Variants in KAZN observed in about 807,000 individuals in gnomAD.
The protein encoded by KAZN is kazrin, periplakin interacting protein, also known as kazrin.
In KAZN, 40 loss-of-function variants were observed where a neutral mutation model predicts 87.4. That is an observed-to-expected ratio of 0.46 (90% CI 0.36 to 0.60). The LOEUF (loss-of-function observed/expected upper bound fraction) is 0.60, where lower values mean the gene tolerates loss of function less well. Ranked by LOEUF, KAZN falls within the 20% of genes least tolerant of loss-of-function variation. KAZN has a pLI of 0.00. For synonymous variants in KAZN, 466 were observed against 458.3 expected (o/e 1.02, Z -0.22); for missense variants, 898 against 1,073.9 (o/e 0.84, Z 2.29).
At chr1:14,788,693 T>C (rs1468950407) in intron 1 of KAZN, among the ~76,000 whole-genome samples, 5 of 152,148 alleles carry the variant, frequency 3.3e-5, no homozygotes, top group African/African-American at 1.2e-4. Flanking sequence ...ACTCTGCTGC[T>C]ACCGACACTC....
chr1:14,661,662 C>CG (rs35859688), intron 1 of KAZN, among the ~76,000 whole-genome samples: 697 of 49,806 alleles, frequency 0.014, 12 homozygotes, highest in African/African-American at 0.043. Context: ...GATTGGGGGA[C>CG]GGGGGGGCGG....
intron 2 of KAZN, among the ~76,000 whole-genome samples, chr1:14,256,405 G>A (rs1205402243): frequency 6.6e-6 from 1 of 151,968 alleles, no homozygotes; most frequent in Non-Finnish European, 1.5e-5. Context: ...AAGGAGAGAA[G>A]GAGAGAGGGA....
chr1:14,965,961 C>A (rs1389680459), intron 2 of KAZN, among the ~76,000 whole-genome samples: 1 of 146,156 alleles, frequency 6.8e-6, no homozygotes, highest in African/African-American at 2.5e-5. Context: ...GTACAGTTAT[C>A]TTTTTCTTTC....
At chr1:14,116,006 T>C (rs1025341329) in intron 1 of KAZN, among the ~76,000 whole-genome samples, 1 of 152,202 alleles carries the variant, frequency 6.6e-6, no homozygotes, top group Non-Finnish European at 1.5e-5. Context: ...GAAGAATAAA[T>C]TTCTAAGTAG....
At chr1:14,050,125 C>T (rs78747470) in intron 1 of KAZN, among the ~76,000 whole-genome samples, 4 of 92,762 alleles carry the variant, frequency 4.3e-5, no homozygotes, top group African/African-American at 1.0e-4. Context: ...TGTGGGCATG[C>T]ATGTGCACAT....
intron 1 of KAZN, among the ~76,000 whole-genome samples, chr1:14,819,902 G>A (rs1220170745): frequency 6.6e-6 from 1 of 151,648 alleles, no homozygotes; most frequent in Non-Finnish European, 1.5e-5. Context: ...TAGAGACAGG[G>A]TTTCACCATG....
intron 1 of KAZN, among the ~76,000 whole-genome samples, chr1:14,763,893 G>T (rs1191746551): frequency 6.6e-6 from 1 of 152,126 alleles, no homozygotes; most frequent in East Asian, 1.9e-4. Flanking sequence ...GGGGTTACAG[G>T]CACGTGCCAC....
At chr1:15,068,414 G>T (rs1036519022) in intron 8 of KAZN, among the ~76,000 whole-genome samples, 2 of 152,070 alleles carry the variant, frequency 1.3e-5, no homozygotes, top group African/African-American at 4.8e-5. Flanking sequence ...CACCACCCCC[G>T]ACCTGGCACC....
intron 2 of KAZN, among the ~76,000 whole-genome samples, chr1:14,256,204 C>T (rs1274853778): frequency 2.6e-5 from 4 of 152,212 alleles, no homozygotes; most frequent in African/African-American, 4.8e-5. Context: ...TTTCCCGGTG[C>T]GTTGGAGTTG....
At chr1:15,001,974 G>A (rs1032596355) in intron 2 of KAZN, among the ~76,000 whole-genome samples, 1 of 148,348 alleles carries the variant, frequency 6.7e-6, no homozygotes, top group Admixed American at 6.8e-5. Flanking sequence ...TCCGCCTCCT[G>A]GGTTCACGCC....
intron 1 of KAZN, among the ~76,000 whole-genome samples, chr1:13,918,690 T>G (rs1639949271): frequency 6.6e-6 from 1 of 152,240 alleles, no homozygotes; most frequent in Non-Finnish European, 1.5e-5. Flanking sequence ...ACTGTTGTCT[T>G]GTTTTAAGAA....
At chr1:14,124,737 G>T (rs987919664) in intron 1 of KAZN, among the ~76,000 whole-genome samples, 8 of 152,118 alleles carry the variant, frequency 5.3e-5, no homozygotes, top group Admixed American at 5.2e-4. Context: ...TCTGAGGCCC[G>T]CCCTCTTGCG....
chr1:13,911,985 T>C (rs1639668072), intron 1 of KAZN, among the ~76,000 whole-genome samples: 1 of 152,166 alleles, frequency 6.6e-6, no homozygotes, highest in South Asian at 2.1e-4. Context: ...TTTTCCCCAT[T>C]ACTATTGTTT....
Position 14,599,235 on chromosome 1 carries a change from C to A in KAZN, c.226+12C>A. The A allele has an allele frequency of 7.3e-7, 1 of 1,365,792 alleles. No homozygotes were observed. The highest frequency in any genetic ancestry group is 2.9e-5 in the East Asian group (1 of 34,120). The allele number at this position is 1,365,792 out of a possible 1,614,324, so 84.6% of individuals were successfully genotyped here. On this transcript the variant is annotated intron_variant, in intron 1 of 14. Transcript: ENST00000376030. This position sits in a 1 kb window ranked among gnomAD's most constrained non-coding sequence, Gnocchi z 4.4. ...GCTTGGAGCGCAAGGTAGGATCGCC[C>A]CGGCGCCCAGGGCGGAGGAAGGCGA...
chr1:14,750,027 G>A (rs191972141), intron 1 of KAZN, among the ~76,000 whole-genome samples: 1 of 152,064 alleles, frequency 6.6e-6, no homozygotes, highest in Non-Finnish European at 1.5e-5. Context: ...AAAGGTGGGG[G>A]GTGCATGCAA....
chr1:14,518,391 G>T lies in KAZN; in HGVS notation c.250-80592G>T, dbSNP rs562836125. Among the ~76,000 whole-genome samples, 3 of 152,024 alleles carry T rather than the reference G, an allele frequency of 2.0e-5. No homozygotes were observed. The South Asian group carries it at 6.3e-4, about 32-fold the overall frequency. ...AGGATTTCGCCATGTTGGCCAGGCT[G>T]GTCTCCAACTCCTGACCTTAGGTTA... On this transcript the variant is annotated intron_variant, in intron 2 of 16. Transcript: ENST00000636203.
At position 14,836,437 on chromosome 1, in the gene KAZN, C is replaced by T. The variant is rs1367258786; in HGVS notation, c.227-124247C>T. On this transcript the variant is annotated intron_variant, in intron 1 of 14. Coordinates refer to ENST00000376030, the MANE Select transcript of KAZN (RefSeq NM_201628.3). ...CCTTTGGCTTCTGAGGGTTTTGTTG[C>T]GAGTGGCAAGTGGGAGCCACCAGAT... Among the ~76,000 whole-genome samples the T allele has an allele frequency of 3.9e-5, 6 of 152,150 alleles. No homozygotes were observed. In the South Asian group the frequency reaches 1.2e-3, roughly 32 times the overall value.
intron 2 of KAZN, among the ~76,000 whole-genome samples, chr1:14,552,587 G>T (rs1673607504): frequency 6.6e-6 from 1 of 152,180 alleles, no homozygotes; most frequent in Non-Finnish European, 1.5e-5. Flanking sequence ...ATGTTCAAAG[G>T]AGAAGGGGTT....
intron 1 of KAZN, among the ~76,000 whole-genome samples, chr1:14,876,761 G>A (rs1222458127): frequency 2.0e-5 from 3 of 152,214 alleles, no homozygotes; most frequent in African/African-American, 7.2e-5. Flanking sequence ...CTGTCACACA[G>A]AGCTAATAAA....
Sources: gnomAD v4.1 joint callset for allele counts (sites outside exome capture counted in the v4.1 genomes callset) on GRCh38, gnomAD v4.1.1 for gene constraint, Gnocchi (gnomAD v3.1) non-coding constraint, MANE v1.5 for transcripts, NCBI Gene and HGNC (gene_info 2026-07-23, HGNC 2026-07-21) for gene names.